The following PPP4R1 variants were observed in gnomAD, a reference collection of about 807,000 sequenced individuals.
PPP4R1 encodes the protein protein phosphatase 4 regulatory subunit 1.
A neutral mutation model predicts 111.2 loss-of-function variants in PPP4R1; 42 were observed. The observed-to-expected ratio is 0.38, with a 90% CI of 0.29 to 0.49. PPP4R1 has a LOEUF of 0.49. Ranked by LOEUF, PPP4R1 falls within the 20% of genes least tolerant of loss-of-function variation. The pLI is 0.97. For missense variants in PPP4R1, 1,012 were observed against 1,161.6 expected (o/e 0.87, Z 1.87); for synonymous variants, 409 against 405.5 (o/e 1.01, Z -0.10).
At chr18:9,609,122 C>T (rs924104809) in intron 2 of PPP4R1, among the ~76,000 whole-genome samples, 1 of 152,138 alleles carries the variant, frequency 6.6e-6, no homozygotes, top group Non-Finnish European at 1.5e-5. Flanking sequence ...TGATCCAACA[C>T]ACATGTGGGT....
chr18:9,557,146 G>C lies in PPP4R1; in HGVS notation c.2190+75C>G, dbSNP rs185001605. On this transcript the variant is annotated intron_variant, in intron 15 of 19. Transcript: ENST00000400556. ...TAGAAACACAAAGAAACCTCTCTTG[G>C]TGATAGCAGAAGATAAAGATTTAGA... The C allele has an allele frequency of 2.3e-4, 320 of 1,363,494 alleles. No individual in the cohort carries two copies. The African/African-American group carries it at 4.3e-3, about 18-fold the overall frequency. 84.5% of individuals were successfully genotyped at this position (1,363,494 alleles called of 1,614,324 possible). A position where few individuals can be genotyped will look rare whatever the true frequency, so the allele number is the denominator to read the frequency against.
intron 2 of PPP4R1, among the ~76,000 whole-genome samples, chr18:9,595,921 G>A (rs138037386): frequency 1.8e-3 from 275 of 152,308 alleles, no homozygotes; most frequent in African/African-American, 6.2e-3. Context: ...AGAACTGAAA[G>A]GTGCCCACTG....
intron 6 of PPP4R1, among the ~76,000 whole-genome samples, chr18:9,586,167 CTCTA>C (rs1202399984): frequency 4.6e-5 from 7 of 151,470 alleles, no homozygotes; most frequent in Non-Finnish European, 8.8e-5. Context: ...ATTATTATTT[CTCTA>C]TCTATTAAGA....
At chr18:9,614,984 C>A (rs566883915), upstream of PPP4R1, 2 of 152,262 alleles carry the variant, frequency 1.3e-5, no homozygotes, top group South Asian at 4.1e-4. The surrounding 1 kb of genome is among the most constrained non-coding windows in gnomAD (Gnocchi z 4.1). Flanking sequence ...GCGCGCCGCT[C>A]GCAGCCAGCG....
chr18:9,588,321 A>T, intron 5 of PPP4R1, 86 bp from the exon 6 acceptor site: 3 of 1,403,184 alleles, frequency 2.1e-6, no homozygotes, highest in Non-Finnish European at 2.9e-6. Context: ...AAGATTTCTC[A>T]TCTCAAAGGG....
chr18:9,591,619 TTCAATAG>T (rs556855655), intron 4 of PPP4R1, among the ~76,000 whole-genome samples: 100 of 152,350 alleles, frequency 6.6e-4, no homozygotes, highest in African/African-American at 2.4e-3. Context: ...TATGTTATTA[TTCAATAG>T]TCTTTATCTT....
intron 11 of PPP4R1, among the ~76,000 whole-genome samples, chr18:9,569,800 T>A (rs1232950327): frequency 1.3e-5 from 2 of 152,122 alleles, no homozygotes; most frequent in Admixed American, 6.5e-5. Context: ...TTGACACCAT[T>A]TGAACTTAGG....
chr18:9,571,672 T>C (rs2066863349), intron 10 of PPP4R1, among the ~76,000 whole-genome samples: 1 of 152,058 alleles, frequency 6.6e-6, no homozygotes. Context: ...CCAATACATG[T>C]TTATGGGGCT....
chr18:9,572,083 T>A (rs975735442), intron 10 of PPP4R1, among the ~76,000 whole-genome samples: 3 of 152,104 alleles, frequency 2.0e-5, no homozygotes, highest in Non-Finnish European at 2.9e-5. Context: ...TATTGCATGC[T>A]GCAGGTAACA....
At chr18:9,570,708 A>G (rs2066849007) in intron 10 of PPP4R1, 25 bp from the exon 11 acceptor site, 5 of 1,503,728 alleles carry the variant, frequency 3.3e-6, no homozygotes, top group African/African-American at 1.4e-5. Context: ...TTTGGTGGGA[A>G]AAAAACAATA....
Position 9,550,080 on chromosome 18 carries a change from C to A in PPP4R1, c.2519G>T (p.Gly840Val). The change falls in exon 18 of 20, where the codon GGT (glycine) becomes GTT (valine). Residue 840 changes from glycine to valine, a missense_variant. This residue lies in a region of PPP4R1 where 305 missense variants were observed against 419.5 expected (regional missense o/e 0.73). Transcript: ENST00000400556. The stretch of plus-strand genomic sequence containing the variant: ...GCAGACAAAGACAAAGGCTTGCCGA[C>A]CAGACCACTTGGGACATCTGCCAAA... ...ENFGRCPKWS[G>V]RQAFVFVCQT... 6.2e-7 allele frequency: 1 copy of A among 1,614,210 alleles called. No individual in the cohort carries two copies. The highest frequency in any genetic ancestry group is 8.5e-7 in the Non-Finnish European group (1 of 1,180,036).
intron 2 of PPP4R1, chr18:9,612,585 C>T (rs1459282585): frequency 6.6e-6 from 1 of 152,154 alleles, no homozygotes; most frequent in East Asian, 1.9e-4. Flanking sequence ...AGTTTTTGCT[C>T]CAGTCATAAA....
In PPP4R1 at chr18:9,570,157, C is replaced by T; in HGVS notation, c.1573G>A (p.Ala525Thr). 1.3e-6 allele frequency: 2 copies of T among 1,494,314 alleles called. No individual in the cohort carries two copies. Among genetic ancestry groups the T allele is most frequent in the South Asian group, 1.4e-5 (1 of 70,596 alleles). The allele number at this position is 1,494,314 out of a possible 1,614,324, so 92.6% of individuals were successfully genotyped here. A position where few individuals can be genotyped will look rare whatever the true frequency, so the allele number is the denominator to read the frequency against. ...TAAATAACTTGATTGACTTCCATAC[C>T]TTTAACATCTGGATCATCAATGTGG... is the stretch of plus-strand genomic sequence containing the variant. ...EPHIDDPDVK[A>T]QVEVLSAALR... Residue 525 changes from alanine (A) to threonine (T), a missense_variant and splice_region_variant, in exon 11 of 20, where the codon GCA becomes ACA. Around this residue, in one of 2 missense-constraint regions of PPP4R1, gnomAD observed 707 missense variants for 742.1 expected, o/e 0.95. Coordinates refer to ENST00000400556, the MANE Select transcript of PPP4R1 (RefSeq NM_001042388.3).
intron 9 of PPP4R1, among the ~76,000 whole-genome samples, chr18:9,580,562 G>C (rs2067011949): frequency 6.6e-6 from 1 of 152,152 alleles, no homozygotes; most frequent in Non-Finnish European, 1.5e-5. Context: ...GTGTTAGCCA[G>C]GATGGTCTTG....
At chr18:9,568,188 T>TA in intron 11 of PPP4R1, among the ~76,000 whole-genome samples, 1 of 152,166 alleles carries the variant, frequency 6.6e-6, no homozygotes, top group East Asian at 1.9e-4. Context: ...CATGCCCAGC[T>TA]ACTATTCAAA....
At chr18:9,556,981 T>G (rs536040307) in intron 15 of PPP4R1, 228 of 322,962 alleles carry the variant, frequency 7.1e-4, no homozygotes, top group African/African-American at 4.7e-3. Context: ...TACATTTCAC[T>G]CAATAATTTT....
intron 6 of PPP4R1, among the ~76,000 whole-genome samples, chr18:9,587,087 A>AG (rs2067129305): frequency 6.6e-6 from 1 of 152,234 alleles, no homozygotes; most frequent in Non-Finnish European, 1.5e-5. Flanking sequence ...GAGCAGGAGC[A>AG]AAGTATTATT....
rs763837443 is a variant in PPP4R1, at chr18:9,550,143, G to A, written c.2456C>T (p.Thr819Met). 26 of 1,614,098 alleles carry A rather than the reference G, an allele frequency of 1.6e-5. No individual in the cohort carries two copies. Among genetic ancestry groups the A allele is most frequent in the East Asian group, 2.2e-5 (1 of 44,902 alleles). Residue 819 changes from threonine to methionine, a missense_variant, in exon 18 of 20, where the codon ACG (threonine) becomes ATG (methionine). This residue lies in a region of PPP4R1 where 305 missense variants were observed against 419.5 expected (regional missense o/e 0.73). Coordinates refer to ENST00000400556, the MANE Select transcript of PPP4R1 (RefSeq NM_001042388.3). ...VKKLHAATPP[T>M]FGVDLINELV... ...CTCATTGATGAGGTCCACTCCGAACGTTGGTGGTGTTGCCGCGTGCAGCTT... is the reference window on the plus strand; with the variant it reads ...CTCATTGATGAGGTCCACTCCGAACATTGGTGGTGTTGCCGCGTGCAGCTT...
At chr18:9,607,819 G>C (rs1476441619) in intron 2 of PPP4R1, among the ~76,000 whole-genome samples, 2 of 135,666 alleles carry the variant, frequency 1.5e-5, no homozygotes, top group African/African-American at 2.8e-5. Context: ...AGTTTCGCTC[G>C]TTGCCCAGGC....
Sources: gnomAD v4.1 joint callset for allele counts (sites outside exome capture counted in the v4.1 genomes callset) on GRCh38, gnomAD v4.1.1 for gene constraint, gnomAD v4.1.1 regional missense constraint, Gnocchi (gnomAD v3.1) non-coding constraint, MANE v1.5 for transcripts, NCBI Gene and HGNC (gene_info 2026-07-23, HGNC 2026-07-21) for gene names.